RLN2: variants seen among roughly 807,000 people sequenced by gnomAD.
The protein encoded by RLN2 is prorelaxin H2.
A neutral mutation model predicts 7.3 loss-of-function variants in RLN2; 10 were observed. The observed-to-expected ratio is 1.36, with a 90% CI of 0.84 to 2.31. The LOEUF is 2.31. RLN2 is among the 30% of genes most tolerant of loss of function. RLN2 has a pLI of 0.00. For missense variants in RLN2, 298 were observed against 217.6 expected, an observed-to-expected ratio of 1.37 and a Z score of -2.32; for synonymous variants, 103 against 82.3, an observed-to-expected ratio of 1.25 and a Z score of -1.36.
the RLN2 span, among the ~76,000 whole-genome samples, chr9:5,317,115 C>T: frequency 2.6e-4 from 40 of 151,802 alleles, no homozygotes; most frequent in African/African-American, 9.2e-4. Flanking sequence ...AAAACAGTAC[C>T]ACAGGAAAAC....
At chr9:5,321,504 T>C in the RLN2 span, among the ~76,000 whole-genome samples, 2 of 152,118 alleles carry the variant, frequency 1.3e-5, no homozygotes, top group Non-Finnish European at 2.9e-5. Flanking sequence ...AGGCTGTATA[T>C]GAGCAGTGAC....
the RLN2 span, among the ~76,000 whole-genome samples, chr9:5,336,362 A>G: frequency 6.6e-6 from 1 of 152,148 alleles, no homozygotes; most frequent in East Asian, 1.9e-4. Context: ...CAGATCATGC[A>G]CTATGCAAGA....
At chr9:5,317,834 A>C in the RLN2 span, among the ~76,000 whole-genome samples, 5 of 151,990 alleles carry the variant, frequency 3.3e-5, no homozygotes, top group African/African-American at 9.7e-5. Flanking sequence ...CTAAAACCAC[A>C]CTAAGATACC....
the RLN2 span, chr9:5,335,650 A>C: frequency 8.9e-7 from 1 of 1,128,048 alleles, no homozygotes; most frequent in Non-Finnish European, 1.3e-6. Context: ...GTCAAAGAGC[A>C]TTCAGAAAAA....
chr9:5,308,794 AC>A (rs1816298245), upstream of RLN2, among the ~76,000 whole-genome samples: 1 of 152,084 alleles, frequency 6.6e-6, no homozygotes, highest in Non-Finnish European at 1.5e-5. Context: ...AGAGAGCCAG[AC>A]ACAGTTCCTG....
the RLN2 span, among the ~76,000 whole-genome samples, chr9:5,310,673 C>T: frequency 1.3e-5 from 2 of 152,032 alleles, no homozygotes; most frequent in Admixed American, 6.5e-5. Flanking sequence ...TTGCAATATA[C>T]ATTTACAATT....
At chr9:5,336,092 G>A in the RLN2 span, among the ~76,000 whole-genome samples, 1 of 151,938 alleles carries the variant, frequency 6.6e-6, no homozygotes, top group Non-Finnish European at 1.5e-5. Context: ...TACTCCTGGA[G>A]GATAAAGTTA....
the RLN2 span, among the ~76,000 whole-genome samples, chr9:5,322,061 G>C: frequency 2.0e-5 from 3 of 152,056 alleles, 1 homozygote; most frequent in African/African-American, 7.3e-5. Flanking sequence ...GCCCAAATCC[G>C]AATGGATGGG....
chr9:5,333,026 T>A, the RLN2 span, among the ~76,000 whole-genome samples: 4,864 of 152,118 alleles, frequency 0.032, 314 homozygotes, highest in African/African-American at 0.11. Flanking sequence ...AAGATCACAG[T>A]ATTAACCAGA....
At chr9:5,311,832 T>C in the RLN2 span, 3 of 602,960 alleles carry the variant, frequency 5.0e-6, no homozygotes, top group South Asian at 5.9e-5. Flanking sequence ...TTTTTTCTTT[T>C]TTTTTTATTA....
At chr9:5,309,375 T>C (rs1246659587), upstream of RLN2, among the ~76,000 whole-genome samples, 1 of 151,994 alleles carries the variant, frequency 6.6e-6, no homozygotes, top group Non-Finnish European at 1.5e-5. Flanking sequence ...TAGCATGTAG[T>C]CTAAACTTCA....
At chr9:5,335,420 T>G in the RLN2 span, 1 of 1,613,752 alleles carries the variant, frequency 6.2e-7, no homozygotes, top group Non-Finnish European at 8.5e-7. Context: ...AATAAGTTTC[T>G]TAAATTCTTC....
the RLN2 span, among the ~76,000 whole-genome samples, chr9:5,323,549 T>C: frequency 6.6e-6 from 1 of 151,898 alleles, no homozygotes; most frequent in Admixed American, 6.6e-5. Flanking sequence ...TGTCCAGTCC[T>C]TGCAACTGAC....
upstream of RLN2, among the ~76,000 whole-genome samples, chr9:5,309,482 A>G (rs976533316): frequency 6.6e-6 from 1 of 151,332 alleles, no homozygotes; most frequent in Non-Finnish European, 1.5e-5. Flanking sequence ...CCTCAGTCCT[A>G]CTCACTCCCT....
the RLN2 span, among the ~76,000 whole-genome samples, chr9:5,332,407 T>C: frequency 1.3e-5 from 2 of 151,976 alleles, no homozygotes; most frequent in Admixed American, 1.3e-4. Flanking sequence ...AACCAAACCC[T>C]AGCAGAAAAA....
upstream of RLN2, among the ~76,000 whole-genome samples, chr9:5,305,729 C>T (rs192834463): frequency 1.3e-5 from 2 of 151,962 alleles, no homozygotes; most frequent in Non-Finnish European, 2.9e-5. Flanking sequence ...AAACTGGAGA[C>T]ATGCAGGACA....
At chr9:5,300,811 T>C (rs903665465) in intron 1 of RLN2, among the ~76,000 whole-genome samples, 3 of 152,246 alleles carry the variant, frequency 2.0e-5, no homozygotes, top group African/African-American at 7.2e-5. Flanking sequence ...TCTTGGATTC[T>C]TCTTAGTTAA....
the RLN2 span, chr9:5,335,669 G>A: frequency 1.1e-6 from 1 of 895,194 alleles, no homozygotes; most frequent in South Asian, 1.7e-5. Context: ...AACTGTGAAT[G>A]TTTGCATACA....
At chr9:5,314,079 C>T in the RLN2 span, among the ~76,000 whole-genome samples, 234 of 152,090 alleles carry the variant, frequency 1.5e-3, 3 homozygotes, top group Middle Eastern at 3.4e-3. Flanking sequence ...GCACTAAGCC[C>T]AGCTGAGGGA....
Sources: gnomAD v4.1 joint callset for allele counts (sites outside exome capture counted in the v4.1 genomes callset) on GRCh38, gnomAD v4.1.1 for gene constraint, MANE v1.5 for transcripts, NCBI Gene and HGNC (gene_info 2026-07-23, HGNC 2026-07-21) for gene names.